The following ESRRB variants were observed in gnomAD, a reference collection of about 807,000 sequenced individuals.
ESRRB encodes the protein estrogen related receptor beta, also known as steroid hormone receptor ERR2.
ESRRB carries 16 observed loss-of-function variants against 46.0 expected under a neutral mutation model. That is an observed-to-expected ratio of 0.35 (90% CI 0.24 to 0.53). The LOEUF (loss-of-function observed/expected upper bound fraction) is 0.53, where lower values mean the gene tolerates loss of function less well. Ranked by LOEUF, ESRRB falls within the 20% of genes least tolerant of loss-of-function variation. The pLI is 0.93. For missense variants in ESRRB, 488 were observed against 607.4 expected (o/e 0.80, Z 2.07); for synonymous variants, 246 against 259.6 (o/e 0.95, Z 0.50).
chr14:76,385,942 G>T (rs1228639329), intron 1 of ESRRB, among the ~76,000 whole-genome samples: 2 of 152,128 alleles, frequency 1.3e-5, no homozygotes, highest in African/African-American at 2.4e-5. Context: ...TGAAGATTTA[G>T]TCAGAGGACA....
At chr14:76,443,679 G>A (rs761032366) in intron 2 of ESRRB, among the ~76,000 whole-genome samples, 1 of 152,152 alleles carries the variant, frequency 6.6e-6, no homozygotes, top group Non-Finnish European at 1.5e-5. Context: ...AGATGGGCTG[G>A]AGAGTTTTGA....
intron 1 of ESRRB, among the ~76,000 whole-genome samples, chr14:76,391,883 G>A (rs1885484217): frequency 2.0e-5 from 3 of 152,184 alleles, no homozygotes; most frequent in Admixed American, 6.5e-5. Context: ...TGGGGCATGG[G>A]GGTGAGTATC....
At chr14:76,367,475 T>G (rs1884536217), upstream of ESRRB, among the ~76,000 whole-genome samples, 1 of 151,418 alleles carries the variant, frequency 6.6e-6, no homozygotes, top group African/African-American at 2.4e-5. Flanking sequence ...GAGGATTGTT[T>G]GAGCCTGGGA....
rs1367805087 is a variant in ESRRB at position 76,491,700 on chromosome 14, G to A, written c.1104G>A (p.Leu368=). The A allele has an allele frequency of 1.9e-6, 3 of 1,582,234 alleles. No individual in the cohort carries two copies. The highest frequency in any genetic ancestry group is 2.6e-6 in the Non-Finnish European group (3 of 1,166,082). The stretch of plus-strand genomic sequence containing the variant: ...AGGAGTTTGTGACGCTCAAGGCCCT[G>A]GCCCTCGCCAACTCCGGTAAGGGCG... The part of the protein sequence containing the change: ...EKEEFVTLKA[L]ALANSDSMYI... Residue 368 remains leucine (L), a synonymous_variant, in exon 6 of 7, where the codon CTG becomes CTA. Coordinates refer to ENST00000644823, the MANE Select transcript of ESRRB (RefSeq NM_001379180.1).
At position 76,500,580 on chromosome 14, in the gene ESRRB, G is replaced by C. The variant is rs1343298353; in HGVS notation, c.*2122G>C. ...GACTCCCTCAGTCTCTCACTGTGCT[G>C]TGTCCTTGCAGCGGGGCCGAGGTAG... On this transcript the variant is annotated 3_prime_UTR_variant, in exon 7 of 7. Transcript: ENST00000644823. 1 of 1,000,618 alleles carries C rather than the reference G, an allele frequency of 1.0e-6. No homozygotes were observed. Among genetic ancestry groups the C allele is most frequent in the East Asian group, 2.4e-5 (1 of 42,160 alleles). The allele number at this position is 1,000,618 out of a possible 1,614,324, so 62.0% of individuals were successfully genotyped here. A position where few individuals can be genotyped will look rare whatever the true frequency, so the allele number is the denominator to read the frequency against.
rs376403497 is a variant in ESRRB at position 76,439,576 on chromosome 14, A to G, written c.286A>G (p.Ser96Gly). 8.7e-6 allele frequency: 14 copies of G among 1,614,014 alleles called. No individual in the cohort carries two copies. The highest frequency in any genetic ancestry group is 1.1e-5 in the Non-Finnish European group (13 of 1,180,010). ...GCTGGGAGGCACCCCATGCCGCAAG[A>G]GCTACGAGGACTGTGCCAGCGGCAT... Reference protein sequence around the residue: ...AGLGGTPCRKSYEDCASGIME... With the variant: ...AGLGGTPCRKGYEDCASGIME... Residue 96 changes from serine to glycine, a missense_variant, in exon 2 of 7, where the codon AGC becomes GGC. By Grantham distance (56) the Ser-to-Gly change is moderately conservative. Coordinates refer to ENST00000644823, the MANE Select transcript of ESRRB (RefSeq NM_001379180.1).
intron 1 of ESRRB, among the ~76,000 whole-genome samples, chr14:76,420,558 AGTGTGTGTGTGT>A (rs61137774): frequency 3.5e-5 from 5 of 142,466 alleles, no homozygotes; most frequent in South Asian, 4.6e-4. Context: ...ACAGGGTGTG[AGTGTGTGTGTGT>A]GTGTGTGTGT....
At chr14:76,491,347 C>T (rs928791043) in intron 5 of ESRRB, 100 bp from the exon 6 acceptor site, 1 of 1,272,952 alleles carries the variant, frequency 7.9e-7, no homozygotes. Flanking sequence ...CACCCCGCAA[C>T]CAGCCACGCC....
chr14:76,396,283 C>G (rs1272005380), intron 1 of ESRRB, among the ~76,000 whole-genome samples: 2 of 152,050 alleles, frequency 1.3e-5, no homozygotes, highest in Non-Finnish European at 2.9e-5. Context: ...AAATAAAAAT[C>G]AAGTAGCTGG....
At chr14:76,325,471 G>A (rs1043134529) in intron 1 of ESRRB, among the ~76,000 whole-genome samples, 9 of 152,120 alleles carry the variant, frequency 5.9e-5, no homozygotes, top group African/African-American at 2.2e-4. Flanking sequence ...GCAAGCACAC[G>A]GAGAAGGGAA....
intron 1 of ESRRB, among the ~76,000 whole-genome samples, chr14:76,423,179 T>C (rs1482099305): frequency 6.8e-6 from 1 of 146,236 alleles, no homozygotes; most frequent in African/African-American, 2.5e-5. Flanking sequence ...AGTCTCACTC[T>C]GTCACCCAGG....
chr14:76,447,581 C>T lies in ESRRB; in HGVS notation c.460+7831C>T, dbSNP rs143525613. On this transcript the variant is annotated intron_variant, in intron 2 of 6. Coordinates refer to ENST00000644823, the MANE Select transcript of ESRRB (RefSeq NM_001379180.1). ...ATGCCCCAGAAGCACCCCAGTTGCA[C>T]GAAGTCTTAAACAGAAGCGGTTTTC... Among the ~76,000 whole-genome samples the T allele has an allele frequency of 2.9e-3, 444 of 152,234 alleles. 5 individuals are homozygous for T. The highest frequency in any genetic ancestry group is 0.01 in the African/African-American group (422 of 41,536).
chr14:76,429,818 T>C (rs1429225704), intron 1 of ESRRB, among the ~76,000 whole-genome samples: 2 of 152,150 alleles, frequency 1.3e-5, no homozygotes, highest in Admixed American at 1.3e-4. Context: ...AAGGTCAATT[T>C]GAATTGATGA....
chr14:76,455,648 G>A (rs543880097), intron 2 of ESRRB, among the ~76,000 whole-genome samples: 1 of 152,214 alleles, frequency 6.6e-6, no homozygotes, highest in South Asian at 2.1e-4. Context: ...TATAGGAGAG[G>A]TAAAATCGGC....
chr14:76,397,730 C>A (rs1047362331), intron 1 of ESRRB, among the ~76,000 whole-genome samples: 5 of 152,084 alleles, frequency 3.3e-5, no homozygotes, highest in Admixed American at 6.5e-5. Flanking sequence ...TGTAGCGAGA[C>A]CTTGTCTCTA....
chr14:76,400,647 G>T (rs1885900864), intron 1 of ESRRB, among the ~76,000 whole-genome samples: 1 of 152,204 alleles, frequency 6.6e-6, no homozygotes, highest in African/African-American at 2.4e-5. Flanking sequence ...ATCTTGTGTG[G>T]TTGGAAGATG....
At chr14:76,484,497 C>T (rs2140035798) in intron 5 of ESRRB, among the ~76,000 whole-genome samples, 1 of 152,286 alleles carries the variant, frequency 6.6e-6, no homozygotes, top group South Asian at 2.1e-4. Flanking sequence ...GGTACAGGTA[C>T]CCCTGCCCCC....
intron 1 of ESRRB, among the ~76,000 whole-genome samples, chr14:76,420,558 AGTGTGTGTGTGTGTGTGT>A (rs61137774): frequency 7.0e-6 from 1 of 142,364 alleles, no homozygotes; most frequent in South Asian, 2.3e-4. Context: ...ACAGGGTGTG[AGTGTGTGTGTGTGTGTGT>A]GTGTGTGTGT....
At position 76,376,805 on chromosome 14, in the gene ESRRB, G is replaced by A. The variant is rs1056088356; in HGVS notation, c.50+354G>A. Among the ~76,000 whole-genome samples, 5 of 152,218 alleles carry A rather than the reference G, an allele frequency of 3.3e-5. No individual in the cohort carries two copies. The highest frequency in any genetic ancestry group is 1.2e-4 in the African/African-American group (5 of 41,470). On this transcript the variant is annotated intron_variant, in intron 1 of 6. Transcript: ENST00000644823. The surrounding 1 kb of genome is among the most constrained non-coding windows in gnomAD (Gnocchi z 4.1). ...GAAGGGAGGCAGAAGCCCAGAACAG[G>A]TGCAGGGATGTGGTTGCAAGGATGT... is the stretch of plus-strand genomic sequence containing the variant.
Sources: gnomAD v4.1 joint callset for allele counts (sites outside exome capture counted in the v4.1 genomes callset) on GRCh38, gnomAD v4.1.1 for gene constraint, Gnocchi (gnomAD v3.1) non-coding constraint, MANE v1.5 for transcripts, NCBI Gene and HGNC (gene_info 2026-07-23, HGNC 2026-07-21) for gene names.